Variants in VMP1 observed in about 807,000 individuals in gnomAD.
VMP1 encodes the protein ectopic P-granules autophagy protein 3 homolog.
In VMP1, 11 loss-of-function variants were observed where a neutral mutation model predicts 56.0. The observed-to-expected ratio is 0.20, with a 90% CI of 0.12 to 0.32. The LOEUF (loss-of-function observed/expected upper bound fraction) is 0.32. Ranked by LOEUF, VMP1 falls within the 10% of genes least tolerant of loss-of-function variation. The probability of loss-of-function intolerance (pLI) is 1.00; values close to 1 mark genes in which losing one functional copy is unlikely to be tolerated. For synonymous variants in VMP1, 149 were observed against 165.0 expected, an observed-to-expected ratio of 0.90 and a Z score of 0.74; for missense variants, 296 against 490.3, an observed-to-expected ratio of 0.60 and a Z score of 3.74.
chr17:59,772,885 A>T (rs188169009), intron 6 of VMP1, among the ~76,000 whole-genome samples: 4 of 151,316 alleles, frequency 2.6e-5, no homozygotes, highest in African/African-American at 9.7e-5. Context: ...TTTAAATTAA[A>T]GCAACTTCTG....
At chr17:59,739,521 G>A (rs571772768) in intron 5 of VMP1, among the ~76,000 whole-genome samples, 1 of 151,786 alleles carries the variant, frequency 6.6e-6, no homozygotes, top group Non-Finnish European at 1.5e-5. Context: ...TCTGGAGATC[G>A]AGACCATCCT....
In VMP1 at chr17:59,760,714, G is replaced by A. The variant is rs573628918; in HGVS notation, c.415-4257G>A. Reference sequence around the variant, plus strand: ...CGGCTCACTGCAATCTCCGCCTCCCGGATTCAAGCCATTCCCCTGCCTCAG... The same window carrying A: ...CGGCTCACTGCAATCTCCGCCTCCCAGATTCAAGCCATTCCCCTGCCTCAG... On this transcript the variant is annotated intron_variant, in intron 5 of 11. Coordinates refer to ENST00000262291, the MANE Select transcript of VMP1 (RefSeq NM_030938.5). Among the ~76,000 whole-genome samples, 269 of 152,174 alleles carry A rather than the reference G, an allele frequency of 1.8e-3. 1 individual carries two copies. Among genetic ancestry groups the A allele is most frequent in the African/African-American group, 5.5e-3 (228 of 41,522 alleles).
Position 59,751,744 on chromosome 17 carries a change from CAAAAAAAAAAA to C in VMP1, c.414+12811_414+12821del, listed in dbSNP as rs932086949. On this transcript the variant is annotated intron_variant, in intron 5 of 11. Coordinates refer to ENST00000262291, the MANE Select transcript of VMP1 (RefSeq NM_030938.5). ...GGGCAACAAGAGCAAAACTCCGTCT[CAAAAAAAAAAA>C]AAAAAAAAAAAAAGTCTAACCTAGG... Among the ~76,000 whole-genome samples, 5 of 42,594 alleles carry C rather than the reference CAAAAAAAAAAA, an allele frequency of 1.2e-4. No individual in the cohort carries two copies. In the South Asian group the frequency reaches 5.1e-3, roughly 43 times the overall value. The allele number at this position is 42,594 out of a possible 152,430, so 27.9% of individuals were successfully genotyped here.
At chr17:59,817,210 G>T (rs1021721484) in intron 9 of VMP1, among the ~76,000 whole-genome samples, 1 of 139,020 alleles carries the variant, frequency 7.2e-6, no homozygotes, top group African/African-American at 2.6e-5. Context: ...GGAGGCGGAG[G>T]TTGCGGTGAG....
chr17:59,714,143 T>C (rs1216877751), intron 1 of VMP1, among the ~76,000 whole-genome samples: 1 of 152,100 alleles, frequency 6.6e-6, no homozygotes, highest in Non-Finnish European at 1.5e-5. Flanking sequence ...AAAAGGAATT[T>C]AATTTTTATA....
chr17:59,739,400 T>G (rs1274170023), intron 5 of VMP1, among the ~76,000 whole-genome samples: 2 of 152,208 alleles, frequency 1.3e-5, no homozygotes, highest in East Asian at 3.9e-4. Flanking sequence ...ACTAAATGCT[T>G]TCTTGAGTCC....
intron 1 of VMP1, among the ~76,000 whole-genome samples, chr17:59,728,141 T>C (rs1276590141): frequency 6.6e-6 from 1 of 152,242 alleles, no homozygotes; most frequent in Admixed American, 6.5e-5. Flanking sequence ...GTGCTTTTTT[T>C]TCTAGTGATT....
chr17:59,747,308 A>G (rs2035457568), intron 5 of VMP1, among the ~76,000 whole-genome samples: 1 of 152,186 alleles, frequency 6.6e-6, no homozygotes, highest in Non-Finnish European at 1.5e-5. Flanking sequence ...CTGTAATCCC[A>G]GCACATTGGG....
At chr17:59,796,233 ATTTTGATGTTTTGGATCACC>A (rs1194683849) in intron 7 of VMP1, among the ~76,000 whole-genome samples, 1 of 152,154 alleles carries the variant, frequency 6.6e-6, no homozygotes, top group Non-Finnish European at 1.5e-5. Flanking sequence ...CTCCTTGAGA[ATTTTGATGTTTTGGATCACC>A]TTTTCTCTGA....
chr17:59,817,654 A>G, intron 9 of VMP1, 58 bp from the exon 10 acceptor site: 1 of 1,341,004 alleles, frequency 7.5e-7, no homozygotes, highest in Non-Finnish European at 1.1e-6. Context: ...AGAATTGTGA[A>G]TTTATGTTGG....
At chr17:59,756,125 T>C (rs1368779491) in intron 5 of VMP1, among the ~76,000 whole-genome samples, 1 of 152,160 alleles carries the variant, frequency 6.6e-6, no homozygotes, top group Admixed American at 6.6e-5. Flanking sequence ...TCAGTGCCCA[T>C]TGGGAATCGA....
intron 1 of VMP1, among the ~76,000 whole-genome samples, chr17:59,719,332 A>AACAG (rs1434921365): frequency 1.3e-5 from 2 of 151,882 alleles, no homozygotes; most frequent in Admixed American, 1.3e-4. Context: ...CAAACAAACA[A>AACAG]ACAAACAAAT....
rs147170450 is a variant in VMP1 at position 59,717,747 on chromosome 17, T to C, written c.-27+9999T>C. 9.9e-3 allele frequency among the ~76,000 whole-genome samples: 1,500 copies of C among 152,176 alleles called. 18 individuals are homozygous for C. Among genetic ancestry groups the C allele is most frequent in the Non-Finnish European group, 0.014 (970 of 67,988 alleles). On this transcript the variant is annotated intron_variant, in intron 1 of 11. Transcript: ENST00000262291. Reference sequence around the variant, plus strand: ...ACAGCCTGACCAACATGGAGAAACCTTGTCTCCACTAAAAACACAAAAATT... The same window carrying C: ...ACAGCCTGACCAACATGGAGAAACCCTGTCTCCACTAAAAACACAAAAATT...
chr17:59,772,950 C>CTTTTTTTTTTTTTTTTTTTTTTT lies in VMP1; in HGVS notation c.583-796_583-774dup, dbSNP rs1179269248. 7.2e-4 allele frequency among the ~76,000 whole-genome samples: 40 copies of CTTTTTTTTTTTTTTTTTTTTTTT among 55,716 alleles called. 10 individuals carry two copies. The highest frequency in any genetic ancestry group is 9.7e-4 in the Non-Finnish European group (32 of 32,934). 36.6% of individuals were successfully genotyped at this position (55,716 alleles called of 152,430 possible). On this transcript the variant is annotated intron_variant, in intron 6 of 11. Transcript: ENST00000262291. ...TATCTAACACATATACTGGTGAATT[C>CTTTTTTTTTTTTTTTTTTTTTTT]TTTTTTTTTTTTTTTTTTTTTTTTT... is the stretch of plus-strand genomic sequence containing the variant.
rs904322699 is a variant in VMP1, at chr17:59,817,615, G to A, written c.913-97G>A. The A allele has an allele frequency of 5.0e-5, 40 of 800,620 alleles. No individual in the cohort carries two copies. In the African/African-American group the frequency reaches 5.6e-4, roughly 11 times the overall value. 49.6% of individuals were successfully genotyped at this position (800,620 alleles called of 1,614,324 possible). A position where few individuals can be genotyped will look rare whatever the true frequency, so the allele number is the denominator to read the frequency against. On this transcript the variant is annotated intron_variant, in intron 9 of 11. Transcript: ENST00000262291. ...AGAAATTTAAAAATTGCAATTAGGG[G>A]CACAATCTTACCTCTTTAGACTATT...
intron 10 of VMP1, among the ~76,000 whole-genome samples, chr17:59,827,016 C>G (rs2038664379): frequency 6.6e-6 from 1 of 152,174 alleles, no homozygotes; most frequent in Non-Finnish European, 1.5e-5. Context: ...TGGTTACTTT[C>G]AATGAAAAAC....
chr17:59,830,541 C>G (rs1261095198), intron 10 of VMP1, among the ~76,000 whole-genome samples: 2 of 152,134 alleles, frequency 1.3e-5, no homozygotes, highest in Non-Finnish European at 2.9e-5. Flanking sequence ...CTGTTGTGCC[C>G]AGACTTTTTT....
chr17:59,811,531 A>G, intron 8 of VMP1, 139 bp from the exon 9 acceptor site: 2 of 642,240 alleles, frequency 3.1e-6, no homozygotes, highest in Non-Finnish European at 2.7e-6. Flanking sequence ...CCTTTTGAAC[A>G]ATCCAGTAGT....
intron 5 of VMP1, among the ~76,000 whole-genome samples, chr17:59,762,428 A>C (rs1164679641): frequency 7.2e-5 from 11 of 152,234 alleles, no homozygotes; most frequent in Admixed American, 7.2e-4. Flanking sequence ...ATACTTTAAA[A>C]GTAGTTTGAA....
Sources: gnomAD v4.1 joint callset for allele counts (sites outside exome capture counted in the v4.1 genomes callset) on GRCh38, gnomAD v4.1.1 for gene constraint, MANE v1.5 for transcripts, NCBI Gene and HGNC (gene_info 2026-07-23, HGNC 2026-07-21) for gene names.